Variants in WASF2 observed in about 807,000 individuals in gnomAD.
The protein encoded by WASF2 is actin-binding protein WASF2.
In WASF2, 14 loss-of-function variants were observed where a neutral mutation model predicts 45.0. The ratio of observed to expected loss-of-function variants is 0.31; its 90% CI spans 0.21 to 0.49. The LOEUF (loss-of-function observed/expected upper bound fraction) is 0.49. WASF2 is among the 20% of genes least tolerant of loss of function. WASF2 has a pLI of 0.99. For missense variants in WASF2, 439 were observed against 636.1 expected (o/e 0.69, Z 3.33); for synonymous variants, 200 against 236.3 (o/e 0.85, Z 1.41).
At chr1:27,464,911 T>C (rs1206244123) in intron 1 of WASF2, among the ~76,000 whole-genome samples, 1 of 152,216 alleles carries the variant, frequency 6.6e-6, no homozygotes, top group African/African-American at 2.4e-5. Context: ...GTATTTTTAG[T>C]AGAGACAGGG....
chr1:27,479,179 G>A (rs558594549), intron 1 of WASF2, among the ~76,000 whole-genome samples: 2 of 151,922 alleles, frequency 1.3e-5, no homozygotes, highest in African/African-American at 2.4e-5. Flanking sequence ...CCAGCTACTC[G>A]GGAGGCTGAG....
chr1:27,435,291 A>G (rs574763154), intron 1 of WASF2, among the ~76,000 whole-genome samples: 92 of 4,102 alleles, frequency 0.022, no homozygotes, highest in African/African-American at 0.026. Flanking sequence ...GTATAAAGTT[A>G]AAAAGAGACT....
intron 7 of WASF2, 57 bp downstream of exon 7, chr1:27,412,515 C>G: frequency 6.2e-7 from 1 of 1,604,326 alleles, no homozygotes; most frequent in Admixed American, 1.7e-5. Flanking sequence ...CTGGTCCATT[C>G]TTTTGTTCTC....
chr1:27,489,789 C>A (rs2018004416), intron 1 of WASF2, among the ~76,000 whole-genome samples, 197 bp downstream of exon 1: 1 of 152,188 alleles, frequency 6.6e-6, no homozygotes. Flanking sequence ...AAGGGGACTT[C>A]GGGTCACTCC....
intron 1 of WASF2, among the ~76,000 whole-genome samples, chr1:27,468,405 C>T (rs1322632792): frequency 7.9e-5 from 12 of 151,626 alleles, no homozygotes; most frequent in Admixed American, 2.6e-4. Context: ...CTTTGGGAGG[C>T]CGAGGCAGGC....
rs780277308 is a variant in WASF2, at chr1:27,412,757, C to A, written c.669-30G>T. 4.2e-5 allele frequency: 67 copies of A among 1,613,030 alleles called. No individual in the cohort carries two copies. The Admixed American group carries it at 7.0e-4, about 17-fold the overall frequency. On this transcript the variant is annotated intron_variant, in intron 6 of 8. Transcript: ENST00000618852. ...CAATGAACCGAATGCCAAAAACTGT[C>A]ATTTAAAGAGCCTGAGTGGGTTTTT...
chr1:27,414,714 T>C lies in WASF2; in HGVS notation c.668+119A>G. 5.2e-6 allele frequency: 7 copies of C among 1,349,764 alleles called. No individual in the cohort carries two copies. The highest frequency in any genetic ancestry group is 7.1e-6 in the Non-Finnish European group (7 of 989,684). The allele number at this position is 1,349,764 out of a possible 1,614,324, so 83.6% of individuals were successfully genotyped here. Reference sequence around the variant, plus strand: ...TTAAAGTAGCTGATTAACAGTGGTATTGATCTAAGCCACAGAGACAGACTT... The same window carrying C: ...TTAAAGTAGCTGATTAACAGTGGTACTGATCTAAGCCACAGAGACAGACTT... On this transcript the variant is annotated intron_variant, in intron 6 of 8. Coordinates refer to ENST00000618852, the MANE Select transcript of WASF2 (RefSeq NM_006990.5). The surrounding 1 kb of genome is among the most constrained non-coding windows in gnomAD (Gnocchi z 4.1).
At chr1:27,472,650 CAAAAAAA>C (rs1206351562) in intron 1 of WASF2, among the ~76,000 whole-genome samples, 6 of 59,236 alleles carry the variant, frequency 1.0e-4, no homozygotes, top group Admixed American at 6.9e-4. Context: ...ACCCCGTCTC[CAAAAAAA>C]AAAAAAAAAA....
At position 27,405,538 on chromosome 1, in the gene WASF2, A is replaced by C. The variant is rs1464111092; in HGVS notation, c.*2651T>G. The C allele has an allele frequency of 6.6e-6, 1 of 151,504 alleles. No homozygotes were observed. Among genetic ancestry groups the C allele is most frequent in the Non-Finnish European group, 1.5e-5 (1 of 67,988 alleles). The allele number at this position is 151,504 out of a possible 1,614,324, so 9.4% of individuals were successfully genotyped here. On this transcript the variant is annotated 3_prime_UTR_variant, in exon 9 of 9. Transcript: ENST00000618852. Reference sequence around the variant, plus strand: ...TTGCATTCTACATTACGTGAGTCCAAAAACAGGATTACCTGCATTGGGTCC... The same window carrying C: ...TTGCATTCTACATTACGTGAGTCCACAAACAGGATTACCTGCATTGGGTCC...
chr1:27,480,286 T>A (rs774071132), intron 1 of WASF2, among the ~76,000 whole-genome samples: 1 of 150,750 alleles, frequency 6.6e-6, no homozygotes, highest in East Asian at 2.0e-4. Flanking sequence ...GGAGGCCGAA[T>A]TGGGCAGATC....
chr1:27,428,667 T>TG, intron 2 of WASF2, 94 bp downstream of exon 2: 1 of 1,593,414 alleles, frequency 6.3e-7, no homozygotes, highest in Non-Finnish European at 8.6e-7. Context: ...GGAAGGCAGA[T>TG]GGGGGAGAAA....
chr1:27,454,135 A>ATATG lies in WASF2; in HGVS notation c.-43-25203_-43-25202insCATA, dbSNP rs1358659847. On this transcript the variant is annotated intron_variant, in intron 1 of 8. Transcript: ENST00000618852. ...TGTATATATATGTGTGTATATATAT[A>ATATG]TGTGTGTGTGTGTGTGTGTATATAT... Among the ~76,000 whole-genome samples, 55 of 37,952 alleles carry ATATG rather than the reference A, an allele frequency of 1.4e-3. 3 individuals are homozygous for ATATG. In the East Asian group the frequency reaches 0.015, roughly 11 times the overall value. 24.9% of individuals were successfully genotyped at this position (37,952 alleles called of 152,430 possible).
chr1:27,467,543 C>T (rs1262458754), intron 1 of WASF2, among the ~76,000 whole-genome samples: 6 of 150,466 alleles, frequency 4.0e-5, no homozygotes, highest in African/African-American at 1.2e-4. Flanking sequence ...CCTCGTGATC[C>T]GCCCGCCTTG....
At chr1:27,440,483 C>G (rs963518549) in intron 1 of WASF2, among the ~76,000 whole-genome samples, 4 of 151,370 alleles carry the variant, frequency 2.6e-5, no homozygotes, top group Non-Finnish European at 5.9e-5. Context: ...GATCACACCA[C>G]TGCACTCCAG....
intron 3 of WASF2, 119 bp downstream of exon 3, chr1:27,418,835 A>G: frequency 2.4e-6 from 3 of 1,272,766 alleles, no homozygotes; most frequent in African/African-American, 1.5e-5. Context: ...TCAAAGCAGA[A>G]CTCTATAGGT....
intron 2 of WASF2, among the ~76,000 whole-genome samples, chr1:27,426,043 T>A (rs1011864939): frequency 2.7e-5 from 4 of 150,840 alleles, no homozygotes; most frequent in African/African-American, 7.3e-5. Flanking sequence ...AAAAAAAAAA[T>A]TGTAAAATGG....
At chr1:27,462,845 T>A (rs1365364221) in intron 1 of WASF2, among the ~76,000 whole-genome samples, 1 of 152,224 alleles carries the variant, frequency 6.6e-6, no homozygotes, top group Non-Finnish European at 1.5e-5. Flanking sequence ...ATTTTAATTT[T>A]TTTTTTTAGA....
Position 27,416,027 on chromosome 1 carries a change from C to T in WASF2, c.495G>A (p.Leu165=). 2 of 1,614,120 alleles carry T rather than the reference C, an allele frequency of 1.2e-6. No homozygotes were observed. The highest frequency in any genetic ancestry group is 2.2e-5 in the East Asian group (1 of 44,888). ...YFFDLWKEKM[L]QDTKDIMKEK... ...CTTTCATGATATCCTTGGTGTCCTGCAGCATCTTCTCCTTCCAAAGATCAA... is the reference window on the plus strand; with the variant it reads ...CTTTCATGATATCCTTGGTGTCCTGTAGCATCTTCTCCTTCCAAAGATCAA... The change falls in exon 5 of 9, where the codon CTG becomes CTA. Residue 165 remains leucine, a synonymous_variant. Transcript: ENST00000618852.
chr1:27,476,718 C>T (rs1018378153), intron 1 of WASF2, among the ~76,000 whole-genome samples: 6 of 151,922 alleles, frequency 3.9e-5, no homozygotes, highest in African/African-American at 1.2e-4. Context: ...GATGTATAAA[C>T]AAAGGGTCCC....
Sources: gnomAD v4.1 joint callset for allele counts (sites outside exome capture counted in the v4.1 genomes callset) on GRCh38, gnomAD v4.1.1 for gene constraint, Gnocchi (gnomAD v3.1) non-coding constraint, MANE v1.5 for transcripts, NCBI Gene and HGNC (gene_info 2026-07-23, HGNC 2026-07-21) for gene names.